Variants in PKHD1 observed in about 807,000 individuals in gnomAD.
The protein encoded by PKHD1 is fibrocystin.
PKHD1 carries 291 observed loss-of-function variants against 412.0 expected under a neutral mutation model. That is an observed-to-expected ratio of 0.71 (90% confidence interval 0.64 to 0.78). The LOEUF (loss-of-function observed/expected upper bound fraction) is 0.78. Among genes scored for constraint, PKHD1 ranks in the 30% least tolerant of loss-of-function variants. PKHD1 has a pLI of 0.00. For synonymous variants in PKHD1, 1,777 were observed against 1,821.5 expected, an observed-to-expected ratio of 0.98 and a Z score of 0.62; for missense variants, 4,825 against 4,950.7, an observed-to-expected ratio of 0.97 and a Z score of 0.76.
chr6:51,982,773 C>A (rs1403358281), intron 35 of PKHD1, among the ~76,000 whole-genome samples: 2 of 136,618 alleles, frequency 1.5e-5, no homozygotes, highest in African/African-American at 5.4e-5. Context: ...CCTGCCAAAT[C>A]CCCCTCTGCG....
rs150166023 is a variant in PKHD1 at position 51,779,016 on chromosome 6, T to A, written c.8441-3095A>T. 1.4e-4 allele frequency among the ~76,000 whole-genome samples: 21 copies of A among 152,224 alleles called. No individual in the cohort carries two copies. In the East Asian group the frequency reaches 4.1e-3, roughly 29 times the overall value. ...ATCTTGAATTAGATGTCCCCTTTTG[T>A]GTGTAAAATCTTCTGTACCCCTTGC... On this transcript the variant is annotated intron_variant, in intron 53 of 66. Coordinates refer to ENST00000371117, the MANE Select transcript of PKHD1 (RefSeq NM_138694.4).
intron 55 of PKHD1, among the ~76,000 whole-genome samples, chr6:51,758,849 C>T (rs559734722): frequency 6.6e-6 from 1 of 152,204 alleles, no homozygotes; most frequent in South Asian, 2.1e-4. Context: ...TTTAAAAATG[C>T]TTCAAAATTT....
Position 51,748,092 on chromosome 6 carries a change from T to C in PKHD1, c.9524A>G (p.Asn3175Ser), listed in dbSNP as rs1343246818. The C allele has an allele frequency of 5.0e-6, 8 of 1,613,920 alleles. No homozygotes were observed. Among genetic ancestry groups the C allele is most frequent in the Middle Eastern group, 1.6e-4 (1 of 6,082 alleles). ...CACTACTGCCAAAAGACCAATAGTA[T>C]TGTCTACCAGAGTAATGTTCTCTAT... ...VEIENITLVD[N>S]TIGLLAVVYV... Residue 3175 changes from asparagine to serine, a missense_variant, in exon 58 of 67, where the codon AAT becomes AGT. Transcript: ENST00000371117.
Position 52,072,172 on chromosome 6 carries a change from G to C in PKHD1, c.545C>G (p.Ala182Gly), listed in dbSNP as rs1403441548. ...EYIDSPVILE[A>G]QGDKWVTPCS... is the part of the protein sequence containing the mutation. ...AGGAGTAACCCATTTGTCTCCTTGA[G>C]CTTCCAAGATCACTGGGCTGGATTT... The change falls in exon 8 of 67, where the codon GCT becomes GGT. Residue 182 changes from alanine to glycine, a missense_variant. By Grantham distance (60) the Ala-to-Gly change is moderately conservative. Transcript: ENST00000371117. 2 of 1,606,710 alleles carry C rather than the reference G, an allele frequency of 1.2e-6. No homozygotes were observed. The highest frequency in any genetic ancestry group is 1.7e-6 in the Non-Finnish European group (2 of 1,173,588).
chr6:51,866,355 A>T (rs1775063329), intron 48 of PKHD1, among the ~76,000 whole-genome samples: 1 of 152,190 alleles, frequency 6.6e-6, no homozygotes, highest in Non-Finnish European at 1.5e-5. Context: ...AACCAGGATA[A>T]GTTTTTCATC....
At chr6:51,901,261 G>T (rs1467989242) in intron 43 of PKHD1, among the ~76,000 whole-genome samples, 2 of 152,112 alleles carry the variant, frequency 1.3e-5, no homozygotes. Flanking sequence ...CAAAGACTTG[G>T]AACCAACCCA....
At chr6:52,058,273 C>CT in intron 16 of PKHD1, 50 bp downstream of exon 16, 1 of 1,601,208 alleles carries the variant, frequency 6.2e-7, no homozygotes, top group Non-Finnish European at 8.6e-7. Flanking sequence ...CTACATGGGA[C>CT]TTTATTCCTT....
intron 60 of PKHD1, among the ~76,000 whole-genome samples, chr6:51,695,186 T>C (rs1778649981): frequency 6.6e-6 from 1 of 152,194 alleles, no homozygotes; most frequent in South Asian, 2.1e-4. Context: ...TAAAGTCTTT[T>C]CAATAAAATC....
At chr6:51,770,241 T>A (rs921405631) in intron 55 of PKHD1, among the ~76,000 whole-genome samples, 1 of 151,870 alleles carries the variant, frequency 6.6e-6, no homozygotes, top group Non-Finnish European at 1.5e-5. Context: ...ATTTCTATAT[T>A]GTATTATCTG....
intron 26 of PKHD1, 27 bp downstream of exon 26, chr6:52,043,598 A>T (rs1045229268): frequency 6.6e-7 from 1 of 1,506,930 alleles, no homozygotes; most frequent in African/African-American, 1.4e-5. Flanking sequence ...GCTTAAGCCC[A>T]TCTCAGAGCC....
In PKHD1 at chr6:51,791,295, T is replaced by C. The variant is rs772469406; in HGVS notation, c.8381A>G (p.Asp2794Gly). 2 of 1,613,756 alleles carry C rather than the reference T, an allele frequency of 1.2e-6. No homozygotes were observed. The highest frequency in any genetic ancestry group is 1.7e-5 in the Admixed American group (1 of 59,962). The change falls in exon 53 of 67, where the codon GAC becomes GGC. Residue 2794 changes from aspartate (D) to glycine (G), a missense_variant. Asp to Gly is a moderately conservative substitution (Grantham distance 94, BLOSUM62 -1). Transcript: ENST00000371117. ...YVMGTLDFPV[D>G]RSNVLSVACM... ...TGCCACACTCAGAACATTGCTTCTG[T>C]CCACAGGGAAGTCTAAGGTCCCCAT...
chr6:51,933,779 T>A (rs1787018023), intron 37 of PKHD1, among the ~76,000 whole-genome samples: 1 of 152,168 alleles, frequency 6.6e-6, no homozygotes, highest in African/African-American at 2.4e-5. Flanking sequence ...CTGCTCACAT[T>A]CCACTGACCA....
rs1435036991 is a variant in PKHD1, at chr6:52,073,401, G to A, written c.527+62C>T. On this transcript the variant is annotated intron_variant, in intron 7 of 66. Coordinates refer to ENST00000371117, the MANE Select transcript of PKHD1 (RefSeq NM_138694.4). ...CAATTTATTGCCATCAGGGAAGCTG[G>A]TCCCAGGAAGCCATGCAGCATGTAT... The A allele has an allele frequency of 1.6e-5, 16 of 1,009,432 alleles. No individual in the cohort carries two copies. In the Admixed American group the frequency reaches 2.5e-4, roughly 16 times the overall value. 62.5% of individuals were successfully genotyped at this position (1,009,432 alleles called of 1,614,324 possible). A position where few individuals can be genotyped will look rare whatever the true frequency, so the allele number is the denominator to read the frequency against.
intron 53 of PKHD1, among the ~76,000 whole-genome samples, chr6:51,784,285 A>AG (rs1242505769): frequency 1.3e-5 from 2 of 152,200 alleles, no homozygotes; most frequent in African/African-American, 4.8e-5. Flanking sequence ...TAAATAATAA[A>AG]GGTAGTCCTT....
rs1583351908 is a variant in PKHD1 at position 51,916,657 on chromosome 6, C to T, written c.6122-4081G>A. 3.9e-5 allele frequency among the ~76,000 whole-genome samples: 6 copies of T among 152,208 alleles called. 1 individual carries two copies. In the South Asian group the frequency reaches 1.2e-3, roughly 32 times the overall value. ...TCATACAAGGTGGACCAACTGACTT[C>T]TCTGATGAAGAAGGCATTGCACACA... On this transcript the variant is annotated intron_variant, in intron 37 of 66. Transcript: ENST00000371117.
rs534220623 is a variant in PKHD1 at position 51,658,934 on chromosome 6, A to G, written c.11174+18T>C. ...AAAAATCAGCCCTCATTTGGATGTGAATATAATTAGTACTTACCCATAGCC... is the reference window on the plus strand; with the variant it reads ...AAAAATCAGCCCTCATTTGGATGTGGATATAATTAGTACTTACCCATAGCC... On this transcript the variant is annotated intron_variant, in intron 61 of 66. Coordinates refer to ENST00000371117, the MANE Select transcript of PKHD1 (RefSeq NM_138694.4). 26 of 1,557,974 alleles carry G rather than the reference A, an allele frequency of 1.7e-5. No individual in the cohort carries two copies. Among genetic ancestry groups the G allele is most frequent in the African/African-American group, 2.7e-5 (2 of 73,954 alleles).
intron 22 of PKHD1, 124 bp downstream of exon 22, chr6:52,050,033 G>T: frequency 1.1e-6 from 1 of 890,824 alleles, no homozygotes; most frequent in Non-Finnish European, 1.8e-6. Context: ...GCATTCTCAA[G>T]ATTGAGAACA....
chr6:51,896,323 G>A (rs1463944148), intron 43 of PKHD1, among the ~76,000 whole-genome samples: 22 of 151,032 alleles, frequency 1.5e-4, no homozygotes, highest in East Asian at 3.9e-4. Context: ...ATCTGAGAAC[G>A]GGCAGACTGC....
chr6:51,809,002 C>T (rs1764269168), intron 52 of PKHD1, among the ~76,000 whole-genome samples: 1 of 151,960 alleles, frequency 6.6e-6, no homozygotes, highest in African/African-American at 2.4e-5. Flanking sequence ...GAATTATAAA[C>T]ACAAAGAAAA....
Sources: allele counts gnomAD v4.1 joint callset (sites outside exome capture counted in the v4.1 genomes callset), GRCh38; gene constraint gnomAD v4.1.1; transcripts MANE v1.5; gene names NCBI Gene and HGNC (gene_info 2026-07-23, HGNC 2026-07-21).